Variants in PAPSS2 observed in about 807,000 individuals in gnomAD.
The protein encoded by PAPSS2 is bifunctional 3'-phosphoadenosine 5'-phosphosulfate synthase 2.
In PAPSS2, 61 loss-of-function variants were observed where a neutral mutation model predicts 66.5. The observed-to-expected ratio is 0.92, with a 90% CI of 0.75 to 1.14. PAPSS2 has a LOEUF of 1.14. PAPSS2 is among the 50% of genes most tolerant of loss of function. The probability of loss-of-function intolerance (pLI) is 0.00; values close to 1 mark genes in which losing one functional copy is unlikely to be tolerated. For synonymous variants in PAPSS2, 289 were observed against 287.5 expected (o/e 1.01, Z -0.05); for missense variants, 708 against 789.6 (o/e 0.90, Z 1.24).
At chr10:87,661,221 G>A (rs890660665) in intron 1 of PAPSS2, among the ~76,000 whole-genome samples, 1 of 151,984 alleles carries the variant, frequency 6.6e-6, no homozygotes, top group Non-Finnish European at 1.5e-5. Flanking sequence ...GGTCATTTGA[G>A]CAGCAAGAGA....
intron 1 of PAPSS2, among the ~76,000 whole-genome samples, chr10:87,661,970 T>C (rs1336574297): frequency 6.6e-6 from 1 of 152,174 alleles, no homozygotes; most frequent in Non-Finnish European, 1.5e-5. Flanking sequence ...ATGTGGAATC[T>C]CTCAAGCTTT....
intron 1 of PAPSS2, among the ~76,000 whole-genome samples, chr10:87,673,351 G>A (rs1398169187): frequency 6.6e-6 from 1 of 151,732 alleles, no homozygotes; most frequent in African/African-American, 2.4e-5. Context: ...TGTAGAGATG[G>A]GTCTCCCTAT....
intron 9 of PAPSS2, among the ~76,000 whole-genome samples, chr10:87,729,231 C>CTT (rs201619180): frequency 3.2e-4 from 35 of 110,814 alleles, no homozygotes; most frequent in African/African-American, 1.3e-3. Flanking sequence ...TTTTGCTTTT[C>CTT]TTTTCTTTTT....
chr10:87,671,520 A>G (rs769595836), intron 1 of PAPSS2, among the ~76,000 whole-genome samples: 1 of 152,206 alleles, frequency 6.6e-6, no homozygotes, highest in South Asian at 2.1e-4. Context: ...ACTCAAGAAT[A>G]AGTGATTTTA....
intron 1 of PAPSS2, among the ~76,000 whole-genome samples, chr10:87,689,684 A>AAG (rs1853145131): frequency 8.9e-6 from 1 of 112,828 alleles, no homozygotes; most frequent in Non-Finnish European, 1.8e-5. Context: ...AAAAAAAAAG[A>AAG]AAAAAAAAAA....
At chr10:87,668,382 A>G (rs1202929276) in intron 1 of PAPSS2, among the ~76,000 whole-genome samples, 1 of 152,222 alleles carries the variant, frequency 6.6e-6, no homozygotes, top group African/African-American at 2.4e-5. Context: ...TCTATTTGTC[A>G]TAATTAACAA....
chr10:87,731,833 C>T (rs1853733502), intron 9 of PAPSS2, among the ~76,000 whole-genome samples: 1 of 152,140 alleles, frequency 6.6e-6, no homozygotes, highest in Admixed American at 6.5e-5. Flanking sequence ...GAGTTGCTTC[C>T]TATGAATGAG....
In PAPSS2 at chr10:87,659,965, C is replaced by T; in HGVS notation, c.-17C>T. The T allele has an allele frequency of 1.2e-6, 2 of 1,612,502 alleles. No homozygotes were observed. The highest frequency in any genetic ancestry group is 1.7e-6 in the Non-Finnish European group (2 of 1,179,544). On this transcript the variant is annotated 5_prime_UTR_variant, in exon 1 of 13. Coordinates refer to ENST00000456849, the MANE Select transcript of PAPSS2 (RefSeq NM_001015880.2). ...GTCTCTGCTCCCGGGACCCGGGCTC[C>T]GCCGCAGCCAGCCAGCATGTCGGGG... is the stretch of plus-strand genomic sequence containing the variant.
In PAPSS2 at chr10:87,743,566, G is replaced by T; in HGVS notation, c.1416G>T (p.Glu472Asp). 3.7e-6 allele frequency: 6 copies of T among 1,614,176 alleles called. No homozygotes were observed. The highest frequency in any genetic ancestry group is 5.1e-6 in the Non-Finnish European group (6 of 1,180,014). Reference protein sequence around the residue: ...WRMKQHAAVLEEGVLDPKSTI... With the variant: ...WRMKQHAAVLDEGVLDPKSTI... ...TGAAGCAGCACGCGGCTGTGCTCGA[G>T]GAAGGGGTCCTGGATCCCAAGTCAA... Residue 472 changes from glutamate to aspartate, a missense_variant, in exon 11 of 13, where the codon GAG becomes GAT. Physicochemically the swap from Glu to Asp is conservative, Grantham distance 45 (BLOSUM62 2). Transcript: ENST00000456849.
At chr10:87,727,859 G>A (rs971820388) in intron 9 of PAPSS2, among the ~76,000 whole-genome samples, 4 of 152,092 alleles carry the variant, frequency 2.6e-5, no homozygotes, top group Admixed American at 6.5e-5. Context: ...TTGAAAATGC[G>A]CAAGGAACAT....
chr10:87,714,797 G>T lies in PAPSS2; in HGVS notation c.573G>T (p.Val191=). ...AGAAACCTGAAACTCCTGAGCGTGT[G>T]CTTAAAACCAATTTGTCCACAGTGA... The part of the protein sequence containing the change: ...DYEKPETPER[V]LKTNLSTVSD... The change falls in exon 5 of 13, where the codon GTG becomes GTT. Residue 191 remains valine (V), a synonymous_variant. Coordinates refer to ENST00000456849, the MANE Select transcript of PAPSS2 (RefSeq NM_001015880.2). The T allele has an allele frequency of 6.2e-7, 1 of 1,613,678 alleles. No individual in the cohort carries two copies. Among genetic ancestry groups the T allele is most frequent in the Non-Finnish European group, 8.5e-7 (1 of 1,179,628 alleles).
chr10:87,736,263 C>CT (rs10553485), intron 9 of PAPSS2, among the ~76,000 whole-genome samples: 1,996 of 103,170 alleles, frequency 0.019, 43 homozygotes, highest in Non-Finnish European at 0.027. Context: ...TTCTTTCTTT[C>CT]TTTTTTTTTT....
intron 9 of PAPSS2, among the ~76,000 whole-genome samples, chr10:87,728,058 T>C (rs1395772224): frequency 1.3e-5 from 2 of 152,102 alleles, no homozygotes; most frequent in Non-Finnish European, 2.9e-5. Flanking sequence ...TTTTTAAGAT[T>C]GAAAAAAATG....
At chr10:87,706,108 A>ATATATATATGTGTGTGTG in intron 1 of PAPSS2, among the ~76,000 whole-genome samples, 1 of 51,998 alleles carries the variant, frequency 1.9e-5, no homozygotes, top group African/African-American at 1.0e-4. Flanking sequence ...ATATATATAT[A>ATATATATATGTGTGTGTG]TGTGTGTGTG....
Position 87,731,172 on chromosome 10 carries a change from G to T in PAPSS2, c.1086+3683G>T, listed in dbSNP as rs545690829. On this transcript the variant is annotated intron_variant, in intron 9 of 12. Transcript: ENST00000456849. The stretch of plus-strand genomic sequence containing the variant: ...CTTTAAGTTGAAGCCAGTGCTCATT[G>T]GCCATTCTGAAAATCCTAGGGTCCT... Among the ~76,000 whole-genome samples, 4 of 152,268 alleles carry T rather than the reference G, an allele frequency of 2.6e-5. No individual in the cohort carries two copies. In the South Asian group the frequency reaches 8.3e-4, roughly 32 times the overall value.
chr10:87,703,885 T>A (rs1415805819), intron 1 of PAPSS2: 1 of 511,604 alleles, frequency 2.0e-6, no homozygotes, highest in Non-Finnish European at 3.9e-6. Flanking sequence ...GATGTCTGTG[T>A]GTTCTCTATG....
intron 9 of PAPSS2, among the ~76,000 whole-genome samples, chr10:87,735,681 T>A (rs1333864613): frequency 1.3e-5 from 2 of 152,216 alleles, no homozygotes; most frequent in Non-Finnish European, 2.9e-5. Context: ...TTGGACTAGA[T>A]AATTCTTCAC....
In PAPSS2 at chr10:87,713,207, C is replaced by T. The variant is rs370889902; in HGVS notation, c.278C>T (p.Pro93Leu). 6.2e-7 allele frequency: 1 copy of T among 1,609,958 alleles called. No homozygotes were observed. The highest frequency in any genetic ancestry group is 2.2e-5 in the East Asian group (1 of 44,628). The change falls in exon 3 of 13, where the codon CCT becomes CTT. Residue 93 changes from proline (P) to leucine (L), a missense_variant. By Grantham distance (98) the Pro-to-Leu change is moderately conservative (BLOSUM62 -3). Coordinates refer to ENST00000456849, the MANE Select transcript of PAPSS2 (RefSeq NM_001015880.2). Reference sequence around the variant, plus strand: ...CTTAACAGAAATCTCGGATTCTCTCCTGGGGACAGAGAGGAAAATATCCGC... The same window carrying T: ...CTTAACAGAAATCTCGGATTCTCTCTTGGGGACAGAGAGGAAAATATCCGC... Reference protein sequence around the residue: ...HGLNRNLGFSPGDREENIRRI... With the variant: ...HGLNRNLGFSLGDREENIRRI...
chr10:87,736,909 C>A (rs1451311545), intron 9 of PAPSS2, among the ~76,000 whole-genome samples: 1 of 152,106 alleles, frequency 6.6e-6, no homozygotes, highest in Non-Finnish European at 1.5e-5. Flanking sequence ...TTTGTGGGCA[C>A]CCCAGGCTGC....
Sources: gnomAD v4.1 joint callset for allele counts (sites outside exome capture counted in the v4.1 genomes callset) on GRCh38, gnomAD v4.1.1 for gene constraint, MANE v1.5 for transcripts, NCBI Gene and HGNC (gene_info 2026-07-23, HGNC 2026-07-21) for gene names.